The following RAF1 variants were observed in gnomAD, a reference collection of about 807,000 sequenced individuals.
RAF1 encodes the protein Raf-1 proto-oncogene, serine/threonine kinase.
In RAF1, 27 loss-of-function variants were observed where a neutral mutation model predicts 81.1. That is an observed-to-expected ratio of 0.33 (90% CI 0.25 to 0.46). The LOEUF (loss-of-function observed/expected upper bound fraction) is 0.46. RAF1 is among the 20% of genes least tolerant of loss of function. The pLI, the probability that RAF1 is intolerant of heterozygous loss-of-function variation, is 1.00. For missense variants in RAF1, 598 were observed against 826.0 expected, an observed-to-expected ratio of 0.72 and a Z score of 3.38; for synonymous variants, 298 against 294.0, an observed-to-expected ratio of 1.01 and a Z score of -0.14.
In RAF1 at chr3:12,606,281, A is replaced by C; in HGVS notation, c.600T>G (p.Thr200=). The C allele has an allele frequency of 6.2e-7, 1 of 1,613,226 alleles. No individual in the cohort carries two copies. Among genetic ancestry groups the C allele is most frequent in the Non-Finnish European group, 8.5e-7 (1 of 1,179,214 alleles). Residue 200 remains threonine (T), a synonymous_variant, in exon 6 of 18, where the codon ACT becomes ACG. Transcript: ENST00000442415. ...GTGCTGGGACTCCACTATCACCAATAGTGGAATTTGGAAACAATCTAAACA... is the reference window on the plus strand; with the variant it reads ...GTGCTGGGACTCCACTATCACCAATCGTGGAATTTGGAAACAATCTAAACA...
intron 1 of RAF1, among the ~76,000 whole-genome samples, chr3:12,627,338 G>A (rs1213250290): frequency 6.6e-6 from 1 of 152,004 alleles, no homozygotes; most frequent in African/African-American, 2.4e-5. Context: ...GACTTCCCCT[G>A]GTCACCCCTA....
chr3:12,584,714 C>T (rs2058265951), intron 17 of RAF1, 57 bp from the exon 17 acceptor site: 3 of 1,613,250 alleles, frequency 1.9e-6, no homozygotes. Context: ...ACAGGATGTA[C>T]CCTGCCCCCC....
At chr3:12,660,835 C>T (rs1324312587) in intron 1 of RAF1, among the ~76,000 whole-genome samples, 1 of 152,004 alleles carries the variant, frequency 6.6e-6, no homozygotes, top group Non-Finnish European at 1.5e-5. Context: ...GTTGGCTAGG[C>T]GTGGTGGCAG....
intron 1 of RAF1, among the ~76,000 whole-genome samples, chr3:12,635,637 CAAAAAAAAAA>C (rs34576938): frequency 2.2e-4 from 16 of 73,276 alleles, no homozygotes; most frequent in South Asian, 2.1e-3. Context: ...ACTCCAGCTC[CAAAAAAAAAA>C]AAAAAAAAAA....
intron 3 of RAF1, among the ~76,000 whole-genome samples, chr3:12,610,977 C>T (rs1027898523): frequency 6.6e-6 from 1 of 151,862 alleles, no homozygotes; most frequent in Non-Finnish European, 1.5e-5. Flanking sequence ...ATCTATCAAA[C>T]AGCAGGGATT....
Position 12,584,334 on chromosome 3 carries a change from G to T in RAF1, c.*180C>A. The T allele has an allele frequency of 1.4e-6, 1 of 734,818 alleles. No individual in the cohort carries two copies. The highest frequency in any genetic ancestry group is 2.2e-6 in the Non-Finnish European group (1 of 447,702). The allele number at this position is 734,818 out of a possible 1,614,324, so 45.5% of individuals were successfully genotyped here. A position where few individuals can be genotyped will look rare whatever the true frequency, so the allele number is the denominator to read the frequency against. On this transcript the variant is annotated 3_prime_UTR_variant, in exon 18 of 18. Coordinates refer to ENST00000442415, the MANE Select transcript of RAF1 (RefSeq NM_001354689.3). ...CACTGCAAATGGCTTCCTTCTCCCA[G>T]GGCCCAAAGGGATAGAAAAGAAGGC...
chr3:12,609,038 T>G (rs1174193936), intron 4 of RAF1, 115 bp from the exon 5 acceptor site: 1 of 1,234,140 alleles, frequency 8.1e-7, no homozygotes, highest in Non-Finnish European at 1.2e-6. Context: ...TTCCAGCATG[T>G]ACAGAATTCA....
chr3:12,638,743 A>G (rs76562879), intron 1 of RAF1, among the ~76,000 whole-genome samples: 2,840 of 152,288 alleles, frequency 0.019, 85 homozygotes, highest in African/African-American at 0.064. Context: ...GCTCCTGCTC[A>G]AGAAATGTAA....
chr3:12,606,152 C>T (rs1264659601), intron 6 of RAF1, 49 bp downstream of exon 6: 1 of 1,427,428 alleles, frequency 7.0e-7, no homozygotes, highest in Non-Finnish European at 9.9e-7. Context: ...CTTCCAACCC[C>T]ACCACCCCAA....
At chr3:12,657,886 AC>A (rs2060749880) in intron 1 of RAF1, among the ~76,000 whole-genome samples, 1 of 23,124 alleles carries the variant, frequency 4.3e-5, no homozygotes, top group Non-Finnish European at 6.9e-5. Context: ...ACAAAACAAA[AC>A]AAAAAAAAAC....
chr3:12,636,809 A>G (rs1347425040), intron 1 of RAF1, among the ~76,000 whole-genome samples: 7 of 152,138 alleles, frequency 4.6e-5, no homozygotes, highest in Non-Finnish European at 8.8e-5. Context: ...CTTGTCTCAA[A>G]AAAAAAAGAA....
At chr3:12,616,143 A>T (rs1324152843) in intron 2 of RAF1, among the ~76,000 whole-genome samples, 1 of 152,220 alleles carries the variant, frequency 6.6e-6, no homozygotes, top group African/African-American at 2.4e-5. Flanking sequence ...CATAAAGGTC[A>T]GGAAAGAGGA....
intron 1 of RAF1, among the ~76,000 whole-genome samples, chr3:12,661,909 G>A (rs2060889000): frequency 6.6e-6 from 1 of 151,874 alleles, no homozygotes; most frequent in South Asian, 2.1e-4. Context: ...TGCTAGCCAG[G>A]CACAGTGGAT....
At chr3:12,611,006 TA>T (rs552264021) in intron 3 of RAF1, among the ~76,000 whole-genome samples, 27 of 145,624 alleles carry the variant, frequency 1.9e-4, no homozygotes, top group African/African-American at 2.5e-4. Context: ...TTTAACTGAA[TA>T]AAAAAAAAAA....
At chr3:12,613,043 TC>T (rs1252029544) in intron 2 of RAF1, among the ~76,000 whole-genome samples, 1 of 152,036 alleles carries the variant, frequency 6.6e-6, no homozygotes, top group Non-Finnish European at 1.5e-5. Flanking sequence ...CAAACACCAA[TC>T]TTAGTTTAAA....
Position 12,584,155 on chromosome 3 carries a change from G to C in RAF1, c.*359C>G. 2.5e-6 allele frequency: 1 copy of C among 394,140 alleles called. No homozygotes were observed. The allele number at this position is 394,140 out of a possible 1,614,324, so 24.4% of individuals were successfully genotyped here. A position where few individuals can be genotyped will look rare whatever the true frequency, so the allele number is the denominator to read the frequency against. ...CCCATGTGTCTCCACATCAGGGCTG[G>C]ACTGCCTGCTACCTTACTTCCTCTA... On this transcript the variant is annotated 3_prime_UTR_variant, in exon 18 of 18. Transcript: ENST00000442415.
At chr3:12,605,717 A>T (rs543666895) in intron 6 of RAF1, among the ~76,000 whole-genome samples, 4 of 152,128 alleles carry the variant, frequency 2.6e-5, no homozygotes, top group African/African-American at 9.7e-5. Context: ...ATGCAAACTC[A>T]GAGACACATG....
At chr3:12,625,024 T>A (rs566076280) in intron 1 of RAF1, among the ~76,000 whole-genome samples, 44 of 152,220 alleles carry the variant, frequency 2.9e-4, no homozygotes, top group African/African-American at 9.6e-4. Context: ...TATGTTTATA[T>A]ATAAAGTAGG....
intron 1 of RAF1, among the ~76,000 whole-genome samples, chr3:12,651,713 CAA>C (rs1194671084): frequency 6.7e-6 from 1 of 148,880 alleles, no homozygotes; most frequent in Non-Finnish European, 1.5e-5. Flanking sequence ...GGGAGGGAAA[CAA>C]ATTAAAAATA....
Sources: gnomAD v4.1 joint callset for allele counts (sites outside exome capture counted in the v4.1 genomes callset) on GRCh38, gnomAD v4.1.1 for gene constraint, MANE v1.5 for transcripts, NCBI Gene and HGNC (gene_info 2026-07-23, HGNC 2026-07-21) for gene names.